RANBP17: variants seen among roughly 807,000 people sequenced by gnomAD.
RANBP17 encodes the protein ran-binding protein 17.
RANBP17 carries 158 observed loss-of-function variants against 141.2 expected under a neutral mutation model. That is an observed-to-expected ratio of 1.12 (90% CI 0.98 to 1.28). The LOEUF (loss-of-function observed/expected upper bound fraction) is 1.28, where lower values mean the gene tolerates loss of function less well. Among genes scored for constraint, RANBP17 ranks in the 50% most tolerant of loss-of-function variants. RANBP17 has a pLI of 0.00. For synonymous variants in RANBP17, 430 were observed against 450.0 expected (o/e 0.96, Z 0.56); for missense variants, 1,438 against 1,290.7 (o/e 1.11, Z -1.75).
intron 14 of RANBP17, among the ~76,000 whole-genome samples, chr5:171,023,182 G>A (rs1044053953): frequency 6.6e-6 from 1 of 152,202 alleles, no homozygotes; most frequent in Non-Finnish European, 1.5e-5. Flanking sequence ...TCTTTTTAAT[G>A]GGACCCTCTG....
Position 171,001,261 on chromosome 5 carries a change from A to G in RANBP17, c.1710+32884A>G, listed in dbSNP as rs114502729. On this transcript the variant is annotated intron_variant, in intron 14 of 27. Transcript: ENST00000523189. The stretch of plus-strand genomic sequence containing the variant: ...GGGGTTGTTAGAAGGAGCGTTTGTC[A>G]TATCGAATTATTGGTGTTGGCCTGA... Among the ~76,000 whole-genome samples the G allele has an allele frequency of 3.3e-3, 499 of 152,268 alleles. 3 individuals carry two copies. The highest frequency in any genetic ancestry group is 0.012 in the African/African-American group (482 of 41,566).
Position 171,109,660 on chromosome 5 carries a change from C to T in RANBP17, c.1711-60470C>T, listed in dbSNP as rs144076998. On this transcript the variant is annotated intron_variant, in intron 14 of 27. Transcript: ENST00000523189. ...AATAACTAATACAATGTAAATGCTA[C>T]GTAAATACTTGTTATACTATATTGT... Among the ~76,000 whole-genome samples, 335 of 152,104 alleles carry T rather than the reference C, an allele frequency of 2.2e-3. 1 individual carries two copies. The highest frequency in any genetic ancestry group is 7.1e-3 in the African/African-American group (296 of 41,496).
At chr5:171,112,621 G>A (rs570115316) in intron 14 of RANBP17, among the ~76,000 whole-genome samples, 1 of 152,040 alleles carries the variant, frequency 6.6e-6, no homozygotes, top group East Asian at 2.0e-4. Context: ...AGGAACAGCA[G>A]AACAAGAGGT....
chr5:171,226,593 A>G (rs1763896321), intron 22 of RANBP17, among the ~76,000 whole-genome samples: 1 of 152,196 alleles, frequency 6.6e-6, no homozygotes, highest in Non-Finnish European at 1.5e-5. Context: ...CCACCTAGAT[A>G]ATAGGCCATT....
At chr5:171,082,273 T>C (rs1435330842) in intron 14 of RANBP17, among the ~76,000 whole-genome samples, 6 of 152,124 alleles carry the variant, frequency 3.9e-5, no homozygotes, top group Non-Finnish European at 8.8e-5. Flanking sequence ...CCTTCAGGTG[T>C]CAGTAAAGGA....
At chr5:171,224,266 G>GT (rs1763756185) in intron 22 of RANBP17, among the ~76,000 whole-genome samples, 2 of 152,324 alleles carry the variant, frequency 1.3e-5, no homozygotes, top group East Asian at 3.9e-4. Context: ...ATATGTATAA[G>GT]AATCTCTTAG....
chr5:171,109,380 A>T (rs1263045376), intron 14 of RANBP17, among the ~76,000 whole-genome samples: 2 of 152,202 alleles, frequency 1.3e-5, no homozygotes, highest in Non-Finnish European at 2.9e-5. Flanking sequence ...ATTAAAATCA[A>T]ATATGCCTTA....
chr5:171,260,891 AACTAGGAACT>A (rs1325322320), intron 24 of RANBP17, among the ~76,000 whole-genome samples: 1 of 152,148 alleles, frequency 6.6e-6, no homozygotes, highest in Non-Finnish European at 1.5e-5. Context: ...AAGTTGAACC[AACTAGGAACT>A]ACTAGATCAT....
intron 14 of RANBP17, among the ~76,000 whole-genome samples, chr5:171,142,275 T>C (rs1358003027): frequency 6.6e-6 from 1 of 152,172 alleles, no homozygotes; most frequent in Admixed American, 6.5e-5. Context: ...CTGGTCTCTT[T>C]TTCATAGAAT....
At position 171,251,097 on chromosome 5, in the gene RANBP17, A is replaced by AT. The variant is rs1250363568; in HGVS notation, c.2776+8285dup. 6.6e-5 allele frequency among the ~76,000 whole-genome samples: 10 copies of AT among 152,094 alleles called. No homozygotes were observed. In the East Asian group the frequency reaches 9.7e-4, roughly 15 times the overall value. On this transcript the variant is annotated intron_variant, in intron 24 of 27. Coordinates refer to ENST00000523189, the MANE Select transcript of RANBP17 (RefSeq NM_022897.5). Reference sequence around the variant, plus strand: ...AGCCACAAAACAGGTCTCAACAAAAATTTTTTTTAGAGACAGGGTCTCACT... The same window carrying AT: ...AGCCACAAAACAGGTCTCAACAAAAATTTTTTTTTAGAGACAGGGTCTCACT...
intron 14 of RANBP17, among the ~76,000 whole-genome samples, chr5:171,113,954 C>T (rs1755432794): frequency 6.6e-6 from 1 of 152,064 alleles, no homozygotes; most frequent in Admixed American, 6.5e-5. Flanking sequence ...AAAACAGCAC[C>T]ACTCTAATTT....
chr5:170,912,808 C>T (rs1454858851), intron 7 of RANBP17, among the ~76,000 whole-genome samples: 1 of 151,668 alleles, frequency 6.6e-6, no homozygotes, highest in East Asian at 1.9e-4. Flanking sequence ...CAGATAGTAC[C>T]CCAAAATGTT....
intron 1 of RANBP17, among the ~76,000 whole-genome samples, chr5:170,862,530 G>A (rs554778204): frequency 7.9e-4 from 120 of 152,332 alleles, no homozygotes; most frequent in Middle Eastern, 6.8e-3. Context: ...GCCGGAGCGG[G>A]GGCTTGGGAT....
chr5:171,027,677 A>G (rs4286697), intron 14 of RANBP17, among the ~76,000 whole-genome samples: 90,812 of 151,698 alleles, frequency 0.6, 28,857 homozygotes, highest in South Asian at 0.87. Context: ...AAGTTTAACT[A>G]CTAAACTTTG....
intron 16 of RANBP17, among the ~76,000 whole-genome samples, chr5:171,177,345 T>C (rs1312784314): frequency 2.6e-5 from 4 of 152,186 alleles, no homozygotes; most frequent in African/African-American, 9.6e-5. Flanking sequence ...TGTTTTGATC[T>C]GATCATTTCT....
chr5:171,014,262 T>G (rs1780278937), intron 14 of RANBP17, among the ~76,000 whole-genome samples: 1 of 152,010 alleles, frequency 6.6e-6, no homozygotes, highest in Non-Finnish European at 1.5e-5. Context: ...CCTTCTTTCT[T>G]TCTTTATCCT....
chr5:171,295,734 C>T (rs1768775304), intron 26 of RANBP17, among the ~76,000 whole-genome samples, 153 bp from the exon 27 acceptor site: 1 of 152,124 alleles, frequency 6.6e-6, no homozygotes, highest in African/African-American at 2.4e-5. Context: ...TGGATTTTCT[C>T]TAAGGGCTTA....
intron 14 of RANBP17, among the ~76,000 whole-genome samples, chr5:170,989,549 C>A (rs1778368026): frequency 6.6e-6 from 1 of 151,740 alleles, no homozygotes; most frequent in Non-Finnish European, 1.5e-5. Flanking sequence ...TTAATCACTT[C>A]TATACTAATA....
At chr5:171,086,149 A>G (rs1285167134) in intron 14 of RANBP17, among the ~76,000 whole-genome samples, 2 of 141,352 alleles carry the variant, frequency 1.4e-5, no homozygotes, top group African/African-American at 2.7e-5. Context: ...TCAATACCTA[A>G]TTTATTGAGA....
Sources: allele counts gnomAD v4.1 joint callset (sites outside exome capture counted in the v4.1 genomes callset), GRCh38; gene constraint gnomAD v4.1.1; transcripts MANE v1.5; gene names NCBI Gene and HGNC (gene_info 2026-07-23, HGNC 2026-07-21).